The following PMS2 variants were observed in gnomAD, a reference collection of about 807,000 sequenced individuals.
PMS2 encodes the protein PMS1 homolog 2, mismatch repair system component.
A neutral mutation model predicts 90.0 loss-of-function variants in PMS2; 69 were observed. The observed-to-expected ratio is 0.77, with a 90% CI of 0.63 to 0.94. PMS2 has a LOEUF of 0.94. Ranked by LOEUF, PMS2 falls within the 40% of genes least tolerant of loss-of-function variation. PMS2 has a pLI of 0.00. For missense variants in PMS2, 966 were observed against 1,040.2 expected (o/e 0.93, Z 0.98); for synonymous variants, 332 against 375.1 (o/e 0.89, Z 1.33).
chr7:5,994,541 A>T (rs1562659705), intron 8 of PMS2, among the ~76,000 whole-genome samples: 1 of 152,038 alleles, frequency 6.6e-6, no homozygotes, highest in Non-Finnish European at 1.5e-5. Flanking sequence ...TGGGAGGCCG[A>T]GGTGGGCGGA....
intron 10 of PMS2, among the ~76,000 whole-genome samples, chr7:5,989,202 T>G (rs1026068986): frequency 2.0e-5 from 3 of 152,098 alleles, no homozygotes; most frequent in Non-Finnish European, 4.4e-5. Flanking sequence ...AGGCCAAGGC[T>G]AGAGGACTGC....
In PMS2 at chr7:6,003,721, C is replaced by T. The variant is rs750866397; in HGVS notation, c.322G>A (p.Gly108Arg). The T allele has an allele frequency of 6.3e-7, 1 of 1,597,766 alleles. No homozygotes were observed. Among genetic ancestry groups the T allele is most frequent in the Non-Finnish European group, 8.5e-7 (1 of 1,177,842 alleles). ...GCACAAAGTGAGCTCAGAGCTTCCC[C>T]CCGAAAGCCAAAAGTTTCAACCTGA... ...LTQVETFGFR[G>R]EALSSLCALS... is the part of the protein sequence containing the mutation. Residue 108 changes from glycine (G) to arginine (R), a missense_variant, in exon 4 of 15, where the codon GGG becomes AGG. Around this residue, in one of 2 missense-constraint regions of PMS2, gnomAD observed 871 missense variants for 802.4 expected, o/e 1.09. Transcript: ENST00000265849.
At chr7:5,990,092 C>T in intron 9 of PMS2, 137 bp from the exon 10 acceptor site, 1 of 511,312 alleles carries the variant, frequency 2.0e-6, no homozygotes, top group Non-Finnish European at 3.4e-6. Flanking sequence ...ACTGCAACCT[C>T]CGCCTCCTGG....
At chr7:5,991,144 T>C (rs573770741) in intron 9 of PMS2, among the ~76,000 whole-genome samples, 3 of 152,296 alleles carry the variant, frequency 2.0e-5, no homozygotes, top group Admixed American at 2.0e-4. Context: ...TAACCATGCA[T>C]TGGAATATAA....
chr7:5,997,239 C>A, intron 7 of PMS2, 87 bp downstream of exon 7: 5 of 708,400 alleles, frequency 7.1e-6, no homozygotes, highest in Middle Eastern at 2.5e-4. Context: ...AGACACGAAA[C>A]TATTAGCCTT....
At chr7:5,994,572 A>G (rs111515162) in intron 8 of PMS2, among the ~76,000 whole-genome samples, 10,983 of 151,764 alleles carry the variant, frequency 0.072, 429 homozygotes, top group East Asian at 0.1. Flanking sequence ...AGGAGATCAA[A>G]ACCATCCTGG....
chr7:5,992,180 T>G (rs878903275), intron 8 of PMS2, 123 bp from the exon 9 acceptor site: 26 of 665,866 alleles, frequency 3.9e-5, no homozygotes, highest in South Asian at 3.1e-4. Context: ...TTTGTTTTTT[T>G]TTTTTTTGAG....
chr7:5,997,529 A>C lies in PMS2; in HGVS notation c.706-106T>G, dbSNP rs59563567. The C allele has an allele frequency of 3.5e-4, 253 of 714,318 alleles. 1 individual carries two copies. In the African/African-American group the frequency reaches 4.3e-3, roughly 12 times the overall value. 44.2% of individuals were successfully genotyped at this position (714,318 alleles called of 1,614,324 possible). A position where few individuals can be genotyped will look rare whatever the true frequency, so the allele number is the denominator to read the frequency against. On this transcript the variant is annotated intron_variant, in intron 6 of 14. Transcript: ENST00000265849. ...CTATTGACATTACAAGCGCAAAAAA[A>C]ATTAAAAGAATCTTTTGTTTTGTTT...
chr7:6,004,935 T>G (rs2128836571), intron 2 of PMS2, among the ~76,000 whole-genome samples: 1 of 152,224 alleles, frequency 6.6e-6, no homozygotes, highest in African/African-American at 2.4e-5. Flanking sequence ...AGATGGAGTT[T>G]TGCTCGTCAC....
chr7:5,988,980 T>A (rs560059314), intron 10 of PMS2, among the ~76,000 whole-genome samples: 1 of 151,860 alleles, frequency 6.6e-6, no homozygotes, highest in African/African-American at 2.4e-5. Flanking sequence ...GTCAGCCTCC[T>A]GAGTAGCTGG....
In PMS2 at chr7:5,983,907, C is replaced by T. The variant is rs1016874717; in HGVS notation, c.2007-916G>A. On this transcript the variant is annotated intron_variant, in intron 11 of 14. Coordinates refer to ENST00000265849, the MANE Select transcript of PMS2 (RefSeq NM_000535.7). The stretch of plus-strand genomic sequence containing the variant: ...CCTCAAGTGATCCACCTGCCTCGGC[C>T]TCCCAAAGTGCTGGGATTACAGGCG... Among the ~76,000 whole-genome samples the T allele has an allele frequency of 2.2e-4, 33 of 151,842 alleles. 2 individuals carry two copies. The highest frequency in any genetic ancestry group is 1.8e-3 in the Admixed American group (28 of 15,262).
intron 6 of PMS2, among the ~76,000 whole-genome samples, chr7:5,997,983 G>A (rs1038937814): frequency 2.0e-5 from 3 of 151,824 alleles, no homozygotes; most frequent in Non-Finnish European, 4.4e-5. Flanking sequence ...TTTTTTCAGA[G>A]AGAGAGTGAA....
Position 5,991,989 on chromosome 7 carries a change from G to A in PMS2, c.972C>T (p.Asn324=). 6.3e-7 allele frequency: 1 copy of A among 1,580,878 alleles called. No homozygotes were observed. Among genetic ancestry groups the A allele is most frequent in the Admixed American group, 1.7e-5 (1 of 59,948 alleles). The part of the protein sequence containing the change: ...NRHQYPFVVL[N]ISVDSECVDI... Reference sequence around the variant, plus strand: ...GGAACTTACCTGAATCAACAGAAATGTTAAGAACAACAAATGGATACTGGT... The same window carrying A: ...GGAACTTACCTGAATCAACAGAAATATTAAGAACAACAAATGGATACTGGT... Residue 324 remains asparagine, a synonymous_variant, in exon 9 of 15, where the codon AAC becomes AAT. Coordinates refer to ENST00000265849, the MANE Select transcript of PMS2 (RefSeq NM_000535.7).
chr7:5,992,798 A>G (rs558050473), intron 8 of PMS2, among the ~76,000 whole-genome samples: 2 of 152,214 alleles, frequency 1.3e-5, no homozygotes, highest in African/African-American at 4.8e-5. Flanking sequence ...TCTCAAAGTG[A>G]TATTTCTCTA....
At chr7:6,006,959 T>C (rs1238419025) in intron 1 of PMS2, among the ~76,000 whole-genome samples, 1 of 152,134 alleles carries the variant, frequency 6.6e-6, no homozygotes, top group African/African-American at 2.4e-5. Context: ...GTCAAATAAT[T>C]TTTCTGCTTA....
At chr7:6,000,163 C>G (rs184709361) in intron 5 of PMS2, among the ~76,000 whole-genome samples, 63 of 151,560 alleles carry the variant, frequency 4.2e-4, no homozygotes, top group Non-Finnish European at 7.8e-4. Context: ...TCACTTGAGC[C>G]CACGAGTTCG....
chr7:5,988,232 C>T (rs1476538317), intron 10 of PMS2, among the ~76,000 whole-genome samples: 2 of 152,056 alleles, frequency 1.3e-5, no homozygotes, highest in Admixed American at 1.3e-4. Flanking sequence ...TCTGGGAATA[C>T]CTCCTAAATC....
chr7:6,001,809 A>G (rs1785115808), intron 5 of PMS2, among the ~76,000 whole-genome samples: 1 of 151,316 alleles, frequency 6.6e-6, no homozygotes. Context: ...CCTGGACAAC[A>G]TGGTGAAACC....
chr7:6,002,098 T>C (rs953701534), intron 5 of PMS2: 22 of 278,732 alleles, frequency 7.9e-5, no homozygotes, highest in Non-Finnish European at 1.5e-4. Context: ...GGCGCAATCA[T>C]AGCTCACTGC....
Sources: allele counts gnomAD v4.1 joint callset (sites outside exome capture counted in the v4.1 genomes callset), GRCh38; gene constraint gnomAD v4.1.1; regional missense constraint gnomAD v4.1.1; transcripts MANE v1.5; gene names NCBI Gene and HGNC (gene_info 2026-07-23, HGNC 2026-07-21).